IDE: variants seen among roughly 807,000 people sequenced by gnomAD.
IDE encodes the protein insulin degrading enzyme.
Under a neutral mutation model 133.2 loss-of-function variants are expected in IDE, and 58 were observed. The observed-to-expected ratio is 0.44, with a 90% CI of 0.35 to 0.54. The LOEUF (loss-of-function observed/expected upper bound fraction) is 0.54. Among genes scored for constraint, IDE ranks in the 20% least tolerant of loss-of-function variants. The pLI is 0.00. For synonymous variants in IDE, 396 were observed against 421.3 expected (o/e 0.94, Z 0.73); for missense variants, 981 against 1,234.0 (o/e 0.79, Z 3.07).
chr10:92,573,579 G>C (rs1335993777), intron 1 of IDE, among the ~76,000 whole-genome samples: 1 of 152,204 alleles, frequency 6.6e-6, no homozygotes, highest in Admixed American at 6.5e-5. Context: ...CTCCGGGAGA[G>C]TGACGCGGCG....
At chr10:92,517,924 A>G (rs1849015297) in intron 4 of IDE, among the ~76,000 whole-genome samples, 3 of 152,168 alleles carry the variant, frequency 2.0e-5, no homozygotes, top group Non-Finnish European at 4.4e-5. Context: ...TGATTGATTG[A>G]TAGATAAATA....
chr10:92,468,775 A>T, intron 19 of IDE, 104 bp downstream of exon 19: 1 of 606,132 alleles, frequency 1.6e-6, no homozygotes, highest in Non-Finnish European at 3.0e-6. Context: ...GAGGTTCCCA[A>T]GTAAATCTTT....
chr10:92,487,746 C>T (rs1375589584), intron 12 of IDE, among the ~76,000 whole-genome samples: 1 of 152,206 alleles, frequency 6.6e-6, no homozygotes, highest in African/African-American at 2.4e-5. Context: ...AAGTTATATC[C>T]ATGAATGGCC....
intron 1 of IDE, among the ~76,000 whole-genome samples, chr10:92,540,717 G>A (rs1842260169): frequency 6.6e-6 from 1 of 152,084 alleles, no homozygotes; most frequent in African/African-American, 2.4e-5. Context: ...CTGTGTAGAG[G>A]GGAGATGAAA....
chr10:92,523,343 C>T (rs573965469), intron 4 of IDE, among the ~76,000 whole-genome samples: 9 of 151,720 alleles, frequency 5.9e-5, no homozygotes, highest in African/African-American at 2.2e-4. Flanking sequence ...ATCATGCGAC[C>T]GCACTCCAGT....
chr10:92,487,245 T>C lies in IDE; in HGVS notation c.1607A>G (p.Glu536Gly), dbSNP rs1391856256. 1.9e-6 allele frequency: 3 copies of C among 1,613,286 alleles called. No individual in the cohort carries two copies. Among genetic ancestry groups the C allele is most frequent in the Non-Finnish European group, 2.5e-6 (3 of 1,179,408 alleles). The change falls in exon 13 of 25, where the codon GAG (glutamate) becomes GGG (glycine). Residue 536 changes from glutamate to glycine, a missense_variant. Glu to Gly is a moderately conservative substitution (Grantham distance 98). Transcript: ENST00000265986. Reference sequence around the variant, plus strand: ...CGCCTCTTTTTCTAACGGTAAAATCTCAAAATTCGTAGGAATAAATTCATT... The same window carrying C: ...CGCCTCTTTTTCTAACGGTAAAATCCCAAAATTCGTAGGAATAAATTCATT... ...TKNEFIPTNF[E>G]ILPLEKEATP... is the part of the protein sequence containing the mutation.
chr10:92,458,481 ACT>A (rs1461456422), intron 22 of IDE, among the ~76,000 whole-genome samples: 1 of 126,412 alleles, frequency 7.9e-6, no homozygotes, highest in African/African-American at 3.1e-5. Context: ...GGTTATAAAT[ACT>A]CTCTCTGTTT....
chr10:92,456,773 G>GTTTGCCA (rs1350063209), intron 22 of IDE, among the ~76,000 whole-genome samples: 1 of 127,258 alleles, frequency 7.9e-6, no homozygotes, highest in African/African-American at 2.9e-5. Context: ...GAGGAAGCAA[G>GTTTGCCA]TTTGCCATGT....
intron 11 of IDE, among the ~76,000 whole-genome samples, chr10:92,493,302 T>C (rs766942193): frequency 5.9e-5 from 9 of 152,168 alleles, no homozygotes; most frequent in Non-Finnish European, 1.0e-4. Flanking sequence ...AATGAATGGA[T>C]TGATTCTCAA....
intron 5 of IDE, among the ~76,000 whole-genome samples, 168 bp downstream of exon 5, chr10:92,514,752 T>C (rs1848812029): frequency 6.6e-6 from 1 of 152,202 alleles, no homozygotes; most frequent in Admixed American, 6.5e-5. Flanking sequence ...AACACAATGA[T>C]TTAAACATAA....
rs116553763 is a variant in IDE, at chr10:92,571,272, G to A, written c.98+2650C>T. Among the ~76,000 whole-genome samples the A allele has an allele frequency of 2.0e-5, 3 of 152,168 alleles. No homozygotes were observed. The East Asian group carries it at 5.8e-4, about 29-fold the overall frequency. ...CAAGTGATCCCCCCGACCTCGCCCT[G>A]TCAAAGTGTTGGGATTACAGGCATG... On this transcript the variant is annotated intron_variant, in intron 1 of 24. Transcript: ENST00000265986.
At chr10:92,536,847 G>A (rs916858272) in intron 2 of IDE, among the ~76,000 whole-genome samples, 1 of 152,064 alleles carries the variant, frequency 6.6e-6, no homozygotes, top group Non-Finnish European at 1.5e-5. Context: ...AGACCATCCT[G>A]GCCAACATGG....
chr10:92,467,035 AAAATAAAGAT>A (rs1393283023), intron 19 of IDE, among the ~76,000 whole-genome samples: 1 of 152,096 alleles, frequency 6.6e-6, no homozygotes, highest in Non-Finnish European at 1.5e-5. Flanking sequence ...AATAATAACA[AAAATAAAGAT>A]AAATAAAACA....
intron 1 of IDE, among the ~76,000 whole-genome samples, chr10:92,556,873 A>G (rs1171828250): frequency 6.6e-6 from 1 of 151,586 alleles, no homozygotes; most frequent in East Asian, 1.9e-4. Flanking sequence ...GCAGTGAGCC[A>G]AGATCTTGCC....
chr10:92,569,511 G>A (rs1843692658), intron 1 of IDE, among the ~76,000 whole-genome samples: 1 of 152,048 alleles, frequency 6.6e-6, no homozygotes, highest in Non-Finnish European at 1.5e-5. Flanking sequence ...TGGTGATGAG[G>A]GTCAAGATCA....
At position 92,493,580 on chromosome 10, in the gene IDE, C is replaced by T. The variant is rs144844948; in HGVS notation, c.1431-2985G>A. ...CAGACACTCAGGCTGTGCAGTAATGCTCAGGTTAAAAAAAAAAAAGGAGGG... is the reference window on the plus strand; with the variant it reads ...CAGACACTCAGGCTGTGCAGTAATGTTCAGGTTAAAAAAAAAAAAGGAGGG... On this transcript the variant is annotated intron_variant, in intron 11 of 24. Coordinates refer to ENST00000265986, the MANE Select transcript of IDE (RefSeq NM_004969.4). Among the ~76,000 whole-genome samples, 790 of 149,326 alleles carry T rather than the reference C, an allele frequency of 5.3e-3. 14 individuals are homozygous for T. Among genetic ancestry groups the T allele is most frequent in the African/African-American group, 0.018 (746 of 40,658 alleles).
chr10:92,558,225 G>A (rs1335057648), intron 1 of IDE, among the ~76,000 whole-genome samples: 1 of 151,948 alleles, frequency 6.6e-6, no homozygotes, highest in Non-Finnish European at 1.5e-5. Context: ...GCTAATTTTT[G>A]GTATTTTTAG....
chr10:92,522,160 A>G (rs1226627957), intron 4 of IDE, among the ~76,000 whole-genome samples: 1 of 152,174 alleles, frequency 6.6e-6, no homozygotes, highest in Non-Finnish European at 1.5e-5. Flanking sequence ...TTGGTGTGTT[A>G]TTATGTTTAC....
At chr10:92,478,794 CA>C (rs1564608419) in intron 15 of IDE, 1 of 1,201,924 alleles carries the variant, frequency 8.3e-7, no homozygotes. Context: ...TAGCGACTAA[CA>C]AAAAGAAAAA....
Sources: gnomAD v4.1 joint callset for allele counts (sites outside exome capture counted in the v4.1 genomes callset) on GRCh38, gnomAD v4.1.1 for gene constraint, MANE v1.5 for transcripts, NCBI Gene and HGNC (gene_info 2026-07-23, HGNC 2026-07-21) for gene names.